Variants in SLC35D4 observed in about 807,000 individuals in gnomAD.
The protein encoded by SLC35D4 is UDP-N-acetylglucosamine transporter SLC35D4.
the SLC35D4 span, among the ~76,000 whole-genome samples, chr18:23,247,496 C>A: frequency 1.3e-5 from 2 of 152,214 alleles, no homozygotes; most frequent in South Asian, 4.1e-4. Context: ...TTGCCTGGTC[C>A]GCTGTGGCAG....
chr18:23,434,791 A>G, the SLC35D4 span, among the ~76,000 whole-genome samples: 2 of 147,578 alleles, frequency 1.4e-5, no homozygotes, highest in African/African-American at 5.0e-5. Flanking sequence ...ACCCTGTCTC[A>G]AAAAACAAAC....
chr18:23,384,705 G>A, the SLC35D4 span, among the ~76,000 whole-genome samples: 1 of 152,226 alleles, frequency 6.6e-6, no homozygotes, highest in Non-Finnish European at 1.5e-5. Context: ...GGGTAGGAAT[G>A]CTTCCCCAGC....
chr18:23,430,969 T>C, the SLC35D4 span, among the ~76,000 whole-genome samples: 1 of 151,400 alleles, frequency 6.6e-6, no homozygotes. Context: ...GCCTGGCCAA[T>C]ATGGTGAAAC....
the SLC35D4 span, among the ~76,000 whole-genome samples, chr18:23,268,946 A>G: frequency 6.6e-6 from 1 of 152,226 alleles, no homozygotes; most frequent in Non-Finnish European, 1.5e-5. Flanking sequence ...TTAGGCAGTC[A>G]GCTGGAAGTT....
chr18:23,333,198 C>T, the SLC35D4 span, among the ~76,000 whole-genome samples: 2 of 152,144 alleles, frequency 1.3e-5, no homozygotes, highest in African/African-American at 4.8e-5. Flanking sequence ...TAATAATAAA[C>T]ATGGCTGACT....
At chr18:23,411,547 A>AAGAAAGAG in the SLC35D4 span, among the ~76,000 whole-genome samples, 1 of 147,508 alleles carries the variant, frequency 6.8e-6, no homozygotes, top group East Asian at 2.0e-4. Context: ...GAAAGAAAGA[A>AAGAAAGAG]AGAAAGGTGT....
At chr18:23,255,822 A>G in the SLC35D4 span, among the ~76,000 whole-genome samples, 3 of 151,994 alleles carry the variant, frequency 2.0e-5, no homozygotes, top group Admixed American at 1.3e-4. Context: ...CAACCTCCCA[A>G]AGTACTGGGA....
the SLC35D4 span, among the ~76,000 whole-genome samples, chr18:23,256,512 G>C: frequency 3.2e-3 from 491 of 152,248 alleles, no homozygotes; most frequent in African/African-American, 0.011. Flanking sequence ...ACAGCATCTT[G>C]CTTTGTTGCC....
At chr18:23,262,674 T>C in the SLC35D4 span, among the ~76,000 whole-genome samples, 5 of 152,228 alleles carry the variant, frequency 3.3e-5, no homozygotes, top group Admixed American at 2.0e-4. Context: ...AAAGGGAAGC[T>C]CCAGGGGAGA....
At chr18:23,399,754 G>A in the SLC35D4 span, 3 of 1,041,838 alleles carry the variant, frequency 2.9e-6, no homozygotes, top group Admixed American at 2.1e-5. Context: ...AACAGAGGCT[G>A]TCTAAAAATC....
chr18:23,389,357 C>G, the SLC35D4 span, among the ~76,000 whole-genome samples: 1 of 152,156 alleles, frequency 6.6e-6, no homozygotes, highest in African/African-American at 2.4e-5. Flanking sequence ...AATGGATGAA[C>G]TCAGAGTAAA....
the SLC35D4 span, among the ~76,000 whole-genome samples, chr18:23,323,688 G>A: frequency 6.6e-6 from 1 of 152,184 alleles, no homozygotes; most frequent in Non-Finnish European, 1.5e-5. Flanking sequence ...CCAACCCCCA[G>A]TGTGATAGTA....
the SLC35D4 span, among the ~76,000 whole-genome samples, chr18:23,390,944 G>A: frequency 6.6e-6 from 1 of 152,162 alleles, no homozygotes; most frequent in Non-Finnish European, 1.5e-5. Flanking sequence ...AATGTTCCTA[G>A]GCCGGGTGCA....
the SLC35D4 span, among the ~76,000 whole-genome samples, chr18:23,398,511 G>A: frequency 1.6e-4 from 24 of 152,292 alleles, no homozygotes; most frequent in African/African-American, 5.3e-4. Flanking sequence ...GGCAAGCCTC[G>A]TGGTCTGAGC....
the SLC35D4 span, among the ~76,000 whole-genome samples, chr18:23,417,241 C>CA: frequency 0.35 from 46,554 of 134,102 alleles, 7,550 homozygotes; most frequent in East Asian, 0.42. Context: ...GACCTTGCCT[C>CA]AAAAAAAAAA....
chr18:23,431,742 A>G, the SLC35D4 span, among the ~76,000 whole-genome samples: 4 of 152,122 alleles, frequency 2.6e-5, no homozygotes, highest in African/African-American at 9.7e-5. Context: ...ATATTTATGT[A>G]TATTAATTGA....
chr18:23,437,889 C>T, the SLC35D4 span: 5 of 1,594,802 alleles, frequency 3.1e-6, no homozygotes, highest in Non-Finnish European at 4.3e-6. Flanking sequence ...TCCACGGTGC[C>T]TGCCCAAATC....
At chr18:23,317,886 T>C in the SLC35D4 span, among the ~76,000 whole-genome samples, 3 of 152,012 alleles carry the variant, frequency 2.0e-5, no homozygotes, top group Non-Finnish European at 4.4e-5. Context: ...ATTACCAGCA[T>C]GCACCACCAC....
chr18:23,263,078 T>C, the SLC35D4 span, among the ~76,000 whole-genome samples: 202 of 152,234 alleles, frequency 1.3e-3, no homozygotes, highest in Non-Finnish European at 2.2e-3. Context: ...CCTTAAACAA[T>C]GAGGTACCTG....
Sources: allele counts gnomAD v4.1 joint callset (sites outside exome capture counted in the v4.1 genomes callset), GRCh38; gene constraint gnomAD v4.1.1; transcripts MANE v1.5; gene names NCBI Gene and HGNC (gene_info 2026-07-23, HGNC 2026-07-21).